CDIN1: variants seen among roughly 807,000 people sequenced by gnomAD.
CDIN1 encodes the protein CDAN1 interacting nuclease 1.
Under a neutral mutation model 45.3 loss-of-function variants are expected in CDIN1, and 33 were observed. The ratio of observed to expected loss-of-function variants is 0.73; its 90% CI spans 0.55 to 0.97. The LOEUF is 0.97. Ranked by LOEUF, CDIN1 falls within the 50% of genes least tolerant of loss-of-function variation. CDIN1 has a pLI of 0.00. For synonymous variants in CDIN1, 118 were observed against 124.4 expected (o/e 0.95, Z 0.34); for missense variants, 303 against 339.4 (o/e 0.89, Z 0.84).
At chr15:36,720,251 T>G (rs1399673935) in intron 10 of CDIN1, among the ~76,000 whole-genome samples, 1 of 64,526 alleles carries the variant, frequency 1.5e-5, no homozygotes, top group Non-Finnish European at 2.7e-5. Context: ...TATTTATTAT[T>G]TATTATTTAT....
intron 10 of CDIN1, among the ~76,000 whole-genome samples, chr15:36,774,656 C>T (rs2054174948): frequency 6.6e-6 from 1 of 152,100 alleles, no homozygotes; most frequent in South Asian, 2.1e-4. Flanking sequence ...GTTGGTAGAA[C>T]AGTTGCAGAT....
chr15:36,674,907 A>T lies in CDIN1; in HGVS notation c.347-16778A>T, dbSNP rs186501633. Among the ~76,000 whole-genome samples, 145 of 152,250 alleles carry T rather than the reference A, an allele frequency of 9.5e-4. 1 individual carries two copies. The highest frequency in any genetic ancestry group is 3.2e-3 in the African/African-American group (135 of 41,558). On this transcript the variant is annotated intron_variant, in intron 5 of 10. Transcript: ENST00000566621. ...ATAGATCTGTAGAAAGGTTTTTCAG[A>T]TGTACCAATCTCCGAGAAAAATGAG...
chr15:36,614,105 G>A (rs1365269971), intron 1 of CDIN1: 9 of 794,110 alleles, frequency 1.1e-5, no homozygotes, highest in Non-Finnish European at 2.0e-5. Context: ...AGCCAAGCTG[G>A]AAATGACTTG....
In CDIN1 at chr15:36,613,971, C is replaced by A; in HGVS notation, c.102-30307C>A. On this transcript the variant is annotated intron_variant, in intron 1 of 10. Coordinates refer to ENST00000566621, the MANE Select transcript of CDIN1 (RefSeq NM_001321759.2). ...AGCAGATCAGACTGATGGACCAGAA[C>A]CTGAAGTGTCTGAGTGCTGCTGAAG... 3.3e-6 allele frequency: 5 copies of A among 1,533,918 alleles called. No homozygotes were observed. The South Asian group carries it at 5.6e-5, about 17-fold the overall frequency.
chr15:36,698,594 A>T (rs1037404093), intron 8 of CDIN1, among the ~76,000 whole-genome samples: 2 of 152,176 alleles, frequency 1.3e-5, no homozygotes, highest in Non-Finnish European at 2.9e-5. Flanking sequence ...GCACTATGAG[A>T]TATGTTTTGG....
At chr15:36,735,150 C>T (rs2043971693) in intron 10 of CDIN1, among the ~76,000 whole-genome samples, 1 of 152,084 alleles carries the variant, frequency 6.6e-6, no homozygotes, top group African/African-American at 2.4e-5. Context: ...AAAATAATGC[C>T]TCTGTGTGAT....
At chr15:36,586,334 AT>A (rs1248173000) in intron 1 of CDIN1, among the ~76,000 whole-genome samples, 3 of 151,852 alleles carry the variant, frequency 2.0e-5, no homozygotes, top group Non-Finnish European at 2.9e-5. Flanking sequence ...TTTAGCATCC[AT>A]TGACTTTTTC....
intron 1 of CDIN1, among the ~76,000 whole-genome samples, chr15:36,596,054 G>C (rs1265468735): frequency 6.6e-6 from 1 of 152,038 alleles, no homozygotes; most frequent in Non-Finnish European, 1.5e-5. Flanking sequence ...TGAACTCCTT[G>C]CCTACACAAA....
chr15:36,748,649 T>C (rs1363704966), intron 10 of CDIN1, among the ~76,000 whole-genome samples: 4 of 152,074 alleles, frequency 2.6e-5, no homozygotes, highest in African/African-American at 7.2e-5. Flanking sequence ...TAGATTTAGG[T>C]ACCAAAAAAG....
At chr15:36,589,793 C>T (rs182759050) in intron 1 of CDIN1, among the ~76,000 whole-genome samples, 49 of 152,220 alleles carry the variant, frequency 3.2e-4, no homozygotes, top group African/African-American at 1.1e-3. Flanking sequence ...CGTGAGCCAC[C>T]GCTCCCGGCC....
intron 10 of CDIN1, among the ~76,000 whole-genome samples, chr15:36,784,193 A>G (rs985614743): frequency 6.6e-6 from 1 of 152,182 alleles, no homozygotes; most frequent in African/African-American, 2.4e-5. Flanking sequence ...CTGTTATTAA[A>G]AATAACACTT....
At chr15:36,795,867 C>A (rs2054781552) in intron 10 of CDIN1, among the ~76,000 whole-genome samples, 1 of 152,060 alleles carries the variant, frequency 6.6e-6, no homozygotes, top group African/African-American at 2.4e-5. Flanking sequence ...TGCACCTGAA[C>A]TAGCTCTTAT....
At chr15:36,693,808 T>C (rs1334402521) in intron 7 of CDIN1, among the ~76,000 whole-genome samples, 18 of 152,198 alleles carry the variant, frequency 1.2e-4, no homozygotes, top group Non-Finnish European at 7.4e-5. Context: ...CAATAATAGG[T>C]ATTATTATAG....
intron 10 of CDIN1, among the ~76,000 whole-genome samples, chr15:36,800,845 T>C (rs767098964): frequency 1.4e-5 from 2 of 138,422 alleles, no homozygotes; most frequent in Non-Finnish European, 3.1e-5. Flanking sequence ...ATATATATGA[T>C]TATGATTATA....
At position 36,805,007 on chromosome 15, in the gene CDIN1, T is replaced by A. The variant is rs185290128; in HGVS notation, c.717-3317T>A. ...ACATTTTGAACATATTTATAAGGGG[T>A]CATTACTTATGAAAAACCTCATCTT... On this transcript the variant is annotated intron_variant, in intron 10 of 10. Transcript: ENST00000566621. Among the ~76,000 whole-genome samples, 6 of 152,032 alleles carry A rather than the reference T, an allele frequency of 3.9e-5. No individual in the cohort carries two copies. The East Asian group carries it at 7.8e-4, about 20-fold the overall frequency.
intron 10 of CDIN1, among the ~76,000 whole-genome samples, chr15:36,738,335 C>T (rs1415099097): frequency 2.0e-5 from 3 of 152,090 alleles, no homozygotes; most frequent in South Asian, 2.1e-4. Flanking sequence ...ATGTTTTTCC[C>T]ATCTCAGTTT....
chr15:36,764,641 A>T lies in CDIN1; in HGVS notation c.717-43683A>T, dbSNP rs73385339. On this transcript the variant is annotated intron_variant, in intron 10 of 10. Transcript: ENST00000566621. ...TCATCTTCATTAAATCTTGACCAAC[A>T]GCTTAAATATCTGCAGCTGTCCCCT... 3.5e-3 allele frequency among the ~76,000 whole-genome samples: 533 copies of T among 152,324 alleles called. 5 individuals are homozygous for T. Among genetic ancestry groups the T allele is most frequent in the African/African-American group, 0.012 (513 of 41,580 alleles).
rs115259314 is a variant in CDIN1, at chr15:36,757,685, G to C, written c.716+47724G>C. Among the ~76,000 whole-genome samples, 1,502 of 152,146 alleles carry C rather than the reference G, an allele frequency of 9.9e-3. 28 individuals are homozygous for C. Among genetic ancestry groups the C allele is most frequent in the African/African-American group, 0.034 (1,416 of 41,514 alleles). On this transcript the variant is annotated intron_variant, in intron 10 of 10. Coordinates refer to ENST00000566621, the MANE Select transcript of CDIN1 (RefSeq NM_001321759.2). ...CCGCCTGTTAGCAGCCACATCTTCT[G>C]CTCCTGACATCTAGACATCCACCTC...
chr15:36,595,753 T>C (rs1225880592), intron 1 of CDIN1, among the ~76,000 whole-genome samples: 1 of 152,232 alleles, frequency 6.6e-6, no homozygotes, highest in African/African-American at 2.4e-5. Flanking sequence ...TAGCATACGC[T>C]GAAAACGTGG....
Sources: gnomAD v4.1 joint callset for allele counts (sites outside exome capture counted in the v4.1 genomes callset) on GRCh38, gnomAD v4.1.1 for gene constraint, MANE v1.5 for transcripts, NCBI Gene and HGNC (gene_info 2026-07-23, HGNC 2026-07-21) for gene names.